The following TMEM116 variants were observed in gnomAD, a reference collection of about 807,000 sequenced individuals.
TMEM116 encodes transmembrane protein 116.
A neutral mutation model predicts 44.3 loss-of-function variants in TMEM116; 38 were observed. That is an observed-to-expected ratio of 0.86 (90% CI 0.66 to 1.12). TMEM116 has a LOEUF of 1.12. Among genes scored for constraint, TMEM116 ranks in the 50% most tolerant of loss-of-function variants. TMEM116 has a pLI of 0.00. For synonymous variants in TMEM116, 132 were observed against 144.8 expected, an observed-to-expected ratio of 0.91 and a Z score of 0.64; for missense variants, 354 against 401.7, an observed-to-expected ratio of 0.88 and a Z score of 1.01.
intron 3 of TMEM116, among the ~76,000 whole-genome samples, chr12:112,000,095 A>G (rs993471436): frequency 1.3e-5 from 2 of 152,256 alleles, no homozygotes; most frequent in Non-Finnish European, 2.9e-5. Context: ...TGCATTAAAA[A>G]AGTAAAACAA....
intron 5 of TMEM116, 153 bp downstream of exon 5, chr12:111,943,112 A>G: frequency 1.5e-6 from 1 of 655,842 alleles, no homozygotes; most frequent in Non-Finnish European, 2.7e-6. Flanking sequence ...TTTTGTAGAG[A>G]TGGGCTTTCA....
chr12:111,959,598 A>G (rs1310232233), intron 4 of TMEM116, among the ~76,000 whole-genome samples: 1 of 152,180 alleles, frequency 6.6e-6, no homozygotes, highest in Non-Finnish European at 1.5e-5. Context: ...TATTCAGGAG[A>G]CCCATCTCAC....
At chr12:111,986,249 C>T (rs1022096935) in intron 4 of TMEM116, among the ~76,000 whole-genome samples, 1 of 152,012 alleles carries the variant, frequency 6.6e-6, no homozygotes, top group Non-Finnish European at 1.5e-5. Context: ...GTCCTAGCTA[C>T]TCAGAAGGCT....
chr12:111,959,373 G>A (rs1358619458), intron 4 of TMEM116, among the ~76,000 whole-genome samples: 1 of 152,088 alleles, frequency 6.6e-6, no homozygotes, highest in East Asian at 1.9e-4. Context: ...AGGAACAACT[G>A]GTACCAGCCA....
At chr12:111,995,249 C>A (rs2076865980) in intron 3 of TMEM116, among the ~76,000 whole-genome samples, 1 of 151,900 alleles carries the variant, frequency 6.6e-6, no homozygotes, top group South Asian at 2.1e-4. Context: ...CAGGGATGGA[C>A]AAATAGGTGA....
intron 3 of TMEM116, chr12:111,993,565 A>G (rs1317829999): frequency 5.5e-6 from 3 of 545,636 alleles, no homozygotes; most frequent in South Asian, 3.2e-5. Context: ...ACCAGGTTAG[A>G]CCAAGACTTT....
chr12:112,009,843 C>CAAAAAAAAAAAAAAAA (rs761769238), intron 1 of TMEM116, among the ~76,000 whole-genome samples: 1 of 112,038 alleles, frequency 8.9e-6, no homozygotes, highest in Non-Finnish European at 1.9e-5. Context: ...GACTCTGTCT[C>CAAAAAAAAAAAAAAAA]AAAAAAAAAA....
At position 111,939,237 on chromosome 12, in the gene TMEM116, G is replaced by A. The variant is rs571286261; in HGVS notation, c.316-1027C>T. Among the ~76,000 whole-genome samples, 9 of 151,970 alleles carry A rather than the reference G, an allele frequency of 5.9e-5. No homozygotes were observed. In the South Asian group the frequency reaches 6.2e-4, roughly 11 times the overall value. ...TGGGAGGCCGAGACAGGTGGATCACGAGGTCAAGTGATTGAGACCATCTGG... is the reference window on the plus strand; with the variant it reads ...TGGGAGGCCGAGACAGGTGGATCACAAGGTCAAGTGATTGAGACCATCTGG... On this transcript the variant is annotated intron_variant, in intron 5 of 10. Coordinates refer to ENST00000552374, the MANE Select transcript of TMEM116 (RefSeq NM_001193531.2).
chr12:111,945,524 A>C (rs181053852), intron 4 of TMEM116, among the ~76,000 whole-genome samples: 12 of 152,198 alleles, frequency 7.9e-5, no homozygotes, highest in Non-Finnish European at 1.8e-4. Context: ...GTAACACCTT[A>C]AGTGATATTG....
At position 111,931,445 on chromosome 12, in the gene TMEM116, A is replaced by T. The variant is rs1959038461; in HGVS notation, c.*176T>A. 4 of 627,942 alleles carry T rather than the reference A, an allele frequency of 6.4e-6. No homozygotes were observed. The highest frequency in any genetic ancestry group is 1.1e-5 in the Non-Finnish European group (4 of 362,508). The allele number at this position is 627,942 out of a possible 1,614,324, so 38.9% of individuals were successfully genotyped here. ...AGGATCACTAGTGAATCTGGGAATA[A>T]CTGGAGAGATACTCCCAATTCATCT... On this transcript the variant is annotated 3_prime_UTR_variant, in exon 11 of 11. Transcript: ENST00000552374.
chr12:111,982,752 A>G (rs146838469), intron 4 of TMEM116, among the ~76,000 whole-genome samples: 79 of 152,282 alleles, frequency 5.2e-4, no homozygotes, highest in African/African-American at 1.9e-3. Context: ...TGCAACTCCT[A>G]TGGACATTCA....
At position 111,938,147 on chromosome 12, in the gene TMEM116, A is replaced by G. The variant is rs1432018088; in HGVS notation, c.365+14T>C. 1.4e-5 allele frequency: 22 copies of G among 1,585,300 alleles called. No individual in the cohort carries two copies. Among genetic ancestry groups the G allele is most frequent in the Non-Finnish European group, 1.6e-5 (19 of 1,162,530 alleles). Reference sequence around the variant, plus strand: ...GAGTCTACACCTCGCTAAGAAGTAAAGAAAAAATTTTACCTTGAGAAAACA... The same window carrying G: ...GAGTCTACACCTCGCTAAGAAGTAAGGAAAAAATTTTACCTTGAGAAAACA... On this transcript the variant is annotated intron_variant, in intron 6 of 10. Transcript: ENST00000552374.
chr12:111,993,707 C>T (rs2076758699), intron 3 of TMEM116: 1 of 628,024 alleles, frequency 1.6e-6, no homozygotes, highest in Non-Finnish European at 3.1e-6. Context: ...ACTGTTGAAG[C>T]ATTGTACAAG....
At chr12:111,969,338 AT>A (rs1237469338) in intron 4 of TMEM116, among the ~76,000 whole-genome samples, 7 of 151,448 alleles carry the variant, frequency 4.6e-5, no homozygotes, top group Admixed American at 2.6e-4. Flanking sequence ...AAAAAAAAAA[AT>A]CTACATTAAA....
rs147393597 is a variant in TMEM116 at position 111,976,388 on chromosome 12, G to A, written c.210+15370C>T. Among the ~76,000 whole-genome samples, 207 of 151,732 alleles carry A rather than the reference G, an allele frequency of 1.4e-3. 1 individual carries two copies. Among genetic ancestry groups the A allele is most frequent in the African/African-American group, 4.8e-3 (200 of 41,390 alleles). On this transcript the variant is annotated intron_variant, in intron 4 of 10. Transcript: ENST00000552374. Reference sequence around the variant, plus strand: ...CATATAAACATAAAACCTGAGGCAGGAGAATCGCTTGAAACCGGAAGGCGG... The same window carrying A: ...CATATAAACATAAAACCTGAGGCAGAAGAATCGCTTGAAACCGGAAGGCGG...
chr12:111,944,584 C>A (rs1440861340), intron 4 of TMEM116, among the ~76,000 whole-genome samples: 1 of 152,064 alleles, frequency 6.6e-6, no homozygotes, highest in Non-Finnish European at 1.5e-5. Context: ...GTTTGGGAGG[C>A]CAAGGCAGCT....
chr12:111,973,966 T>C (rs1043066559), intron 4 of TMEM116, among the ~76,000 whole-genome samples: 1 of 151,928 alleles, frequency 6.6e-6, no homozygotes, highest in Non-Finnish European at 1.5e-5. Flanking sequence ...ATAAAAATAA[T>C]ACATCACAAC....
At chr12:111,988,536 C>CAA (rs879846935) in intron 4 of TMEM116, among the ~76,000 whole-genome samples, 2 of 129,908 alleles carry the variant, frequency 1.5e-5, no homozygotes, top group Non-Finnish European at 3.3e-5. Flanking sequence ...CAGTAAAATA[C>CAA]AAAAAAAAAA....
intron 4 of TMEM116, among the ~76,000 whole-genome samples, chr12:111,987,882 G>A (rs2076314366): frequency 6.6e-6 from 1 of 152,152 alleles, no homozygotes; most frequent in Non-Finnish European, 1.5e-5. Context: ...AATGTTAATA[G>A]TAGCGTTATT....
Sources: allele counts gnomAD v4.1 joint callset (sites outside exome capture counted in the v4.1 genomes callset), GRCh38; gene constraint gnomAD v4.1.1; transcripts MANE v1.5; gene names NCBI Gene and HGNC (gene_info 2026-07-23, HGNC 2026-07-21).